The following SPTBN1 variants were observed in gnomAD, a reference collection of about 807,000 sequenced individuals.
SPTBN1 encodes the protein spectrin beta, non-erythrocytic 1, also known as spectrin beta chain, non-erythrocytic 1.
In SPTBN1, 32 loss-of-function variants were observed where a neutral mutation model predicts 266.4. That is an observed-to-expected ratio of 0.12 (90% confidence interval 0.09 to 0.16). The LOEUF is 0.16. Ranked by LOEUF, SPTBN1 falls within the 10% of genes least tolerant of loss-of-function variation. The probability of loss-of-function intolerance (pLI) is 1.00; values close to 1 mark genes in which losing one functional copy is unlikely to be tolerated. For missense variants in SPTBN1, 2,296 were observed against 3,067.1 expected, an observed-to-expected ratio of 0.75 and a Z score of 5.94; for synonymous variants, 1,336 against 1,162.2, an observed-to-expected ratio of 1.15 and a Z score of -3.04.
At chr2:54,510,099 C>T (rs1041343209) in intron 1 of SPTBN1, among the ~76,000 whole-genome samples, 3 of 151,942 alleles carry the variant, frequency 2.0e-5, no homozygotes, top group Non-Finnish European at 4.4e-5. Flanking sequence ...GCTGGGATTA[C>T]AGGCACCCAC....
rs1174244074 is a variant in SPTBN1, at chr2:54,645,307, G to T, written c.4348G>T (p.Gly1450Trp). 6.2e-7 allele frequency: 1 copy of T among 1,614,232 alleles called. No homozygotes were observed. Among genetic ancestry groups the T allele is most frequent in the South Asian group, 1.1e-5 (1 of 91,080 alleles). Residue 1450 changes from glycine (G) to tryptophan (W), a missense_variant, in exon 21 of 36, where the codon GGG becomes TGG. Coordinates refer to ENST00000356805, the MANE Select transcript of SPTBN1 (RefSeq NM_003128.3). This position sits in a 1 kb window ranked among gnomAD's most constrained non-coding sequence, Gnocchi z 4.3. ...QSQAQALSQE[G>W]KSTDEVDSKR... ...CCAAGCCCAGGCCCTGAGTCAGGAA[G>T]GGAAGAGCACCGACGAGGTAGACAG...
At chr2:54,582,457 T>A (rs1035544427) in intron 2 of SPTBN1, among the ~76,000 whole-genome samples, 8 of 150,496 alleles carry the variant, frequency 5.3e-5, no homozygotes, top group African/African-American at 2.0e-4. Context: ...CCAGCTACTC[T>A]GGAGGCTGAG....
intron 2 of SPTBN1, among the ~76,000 whole-genome samples, chr2:54,562,005 C>T (rs1338332950): frequency 6.6e-6 from 1 of 152,074 alleles, no homozygotes; most frequent in East Asian, 1.9e-4. Context: ...ACACCCAACA[C>T]ACACACACCC....
At position 54,656,010 on chromosome 2, in the gene SPTBN1, G is replaced by GT; in HGVS notation, c.6046+15dup. The GT allele has an allele frequency of 6.2e-7, 1 of 1,605,286 alleles. No homozygotes were observed. Reference sequence around the variant, plus strand: ...ATGGTTAAGACTGAGTAAGGATGTAGTTTATCTTTCTGCTCTTTTGGGTAT... The same window carrying GT: ...ATGGTTAAGACTGAGTAAGGATGTAGTTTTATCTTTCTGCTCTTTTGGGTAT... On this transcript the variant is annotated intron_variant, in intron 29 of 35. Transcript: ENST00000356805.
chr2:54,622,464 C>A lies in SPTBN1; in HGVS notation c.1041C>A (p.Tyr347Ter). ...AGCAGCTTCAGGCATTCAACACTTA[C>A]CGCACTGTGGAGAAACCACCCAAGT... ...VQQQLQAFNTYRTVEKPPKFT... is the reference protein window; with the variant it reads ...VQQQLQAFNT The change falls in exon 9 of 36, where the codon TAC (tyrosine) becomes TAA (stop). Residue 347 changes from tyrosine to a stop codon, truncating the protein, a stop_gained. Coordinates refer to ENST00000356805, the MANE Select transcript of SPTBN1 (RefSeq NM_003128.3). LOFTEE classifies it high-confidence loss of function. 6.2e-7 allele frequency: 1 copy of A among 1,614,148 alleles called. No individual in the cohort carries two copies. The highest frequency in any genetic ancestry group is 8.5e-7 in the Non-Finnish European group (1 of 1,180,014).
chr2:54,612,565 T>C (rs1402019510), intron 4 of SPTBN1, among the ~76,000 whole-genome samples: 1 of 152,194 alleles, frequency 6.6e-6, no homozygotes, highest in Admixed American at 6.5e-5. Context: ...TTAGCTTTCC[T>C]GTCAGACACA....
In SPTBN1 at chr2:54,644,517, G is replaced by A. The variant is rs879103013; in HGVS notation, c.4200G>A (p.Glu1400=). The A allele has an allele frequency of 1.2e-6, 2 of 1,614,218 alleles. No individual in the cohort carries two copies. The highest frequency in any genetic ancestry group is 1.7e-6 in the Non-Finnish European group (2 of 1,180,030). The change falls in exon 20 of 36, where the codon GAG becomes GAA. Residue 1400 remains glutamate, a synonymous_variant. Coordinates refer to ENST00000356805, the MANE Select transcript of SPTBN1 (RefSeq NM_003128.3). ...TAGACAAATGGCTGCACGGCCTGGA[G>A]AGTCAGATTCAGTCTGATGACTATG... ...ADLDKWLHGL[E]SQIQSDDYGK...
At chr2:54,543,885 C>G (rs889500545) in intron 2 of SPTBN1, among the ~76,000 whole-genome samples, 1 of 151,966 alleles carries the variant, frequency 6.6e-6, no homozygotes, top group Non-Finnish European at 1.5e-5. Flanking sequence ...TAGAACAATC[C>G]AAGTCAGACA....
In SPTBN1 at chr2:54,558,503, C is replaced by T. The variant is rs192741392; in HGVS notation, c.148+31937C>T. 3.2e-5 allele frequency: 38 copies of T among 1,194,020 alleles called. No individual in the cohort carries two copies. In the African/African-American group the frequency reaches 3.6e-4, roughly 11 times the overall value. The allele number at this position is 1,194,020 out of a possible 1,614,324, so 74.0% of individuals were successfully genotyped here. On this transcript the variant is annotated intron_variant, in intron 2 of 35. Coordinates refer to ENST00000356805, the MANE Select transcript of SPTBN1 (RefSeq NM_003128.3). This position sits in a 1 kb window ranked among gnomAD's most constrained non-coding sequence, Gnocchi z 4.6. Reference sequence around the variant, plus strand: ...AACCTGCGCCTCCTCTCTGCTTCTCCCTCCTCCTCAGTAATTTATTTCGAG... The same window carrying T: ...AACCTGCGCCTCCTCTCTGCTTCTCTCTCCTCCTCAGTAATTTATTTCGAG...
At chr2:54,618,326 T>A in intron 7 of SPTBN1, 133 bp downstream of exon 7, 1 of 740,818 alleles carries the variant, frequency 1.3e-6, no homozygotes, top group Non-Finnish European at 2.2e-6. Context: ...GTTATGGGAA[T>A]TTTTTGAGGA....
chr2:54,645,464 C>A lies in SPTBN1; in HGVS notation c.4494+11C>A, dbSNP rs1350278255. On this transcript the variant is annotated intron_variant, in intron 21 of 35. Transcript: ENST00000356805. The surrounding 1 kb of genome is among the most constrained non-coding windows in gnomAD (Gnocchi z 4.3). ...GTGGAGGACGAGATCGTGAGTCGAC[C>A]CCTACTGCACACATGGCTTTTCCAC... 1 of 1,612,442 alleles carries A rather than the reference C, an allele frequency of 6.2e-7. No homozygotes were observed. The highest frequency in any genetic ancestry group is 8.5e-7 in the Non-Finnish European group (1 of 1,178,906).
intron 1 of SPTBN1, among the ~76,000 whole-genome samples, chr2:54,463,792 A>G (rs1303604246): frequency 6.6e-6 from 1 of 152,250 alleles, no homozygotes; most frequent in Non-Finnish European, 1.5e-5. Context: ...AATAATGCTA[A>G]GTTCCATCTG....
intron 1 of SPTBN1, among the ~76,000 whole-genome samples, chr2:54,486,771 A>C (rs937169811): frequency 3.3e-5 from 5 of 152,252 alleles, no homozygotes; most frequent in Non-Finnish European, 5.9e-5. Flanking sequence ...TTCTAACCAT[A>C]GAAGAAGCTG....
In SPTBN1 at chr2:54,479,848, C is replaced by G. The variant is rs1474300140; in HGVS notation, c.-48+23330C>G. Among the ~76,000 whole-genome samples the G allele has an allele frequency of 2.0e-5, 3 of 147,312 alleles. No individual in the cohort carries two copies. The Admixed American group carries it at 2.1e-4, about 10-fold the overall frequency. ...TTTCTATTATCTTTATATTATTTCT[C>G]CCAAGCAAATTTTGCTTTTTTTTTT... is the stretch of plus-strand genomic sequence containing the variant. On this transcript the variant is annotated intron_variant, in intron 1 of 35. Coordinates refer to ENST00000356805, the MANE Select transcript of SPTBN1 (RefSeq NM_003128.3).
At chr2:54,535,928 G>A (rs1256885343) in intron 2 of SPTBN1, among the ~76,000 whole-genome samples, 1 of 152,226 alleles carries the variant, frequency 6.6e-6, no homozygotes, top group African/African-American at 2.4e-5. Flanking sequence ...GCTGAGACAG[G>A]AGAATCACTT....
chr2:54,507,336 T>TAAAGTGTTGGGGTGGGG (rs1669627261), intron 1 of SPTBN1, among the ~76,000 whole-genome samples: 1 of 151,702 alleles, frequency 6.6e-6, no homozygotes, highest in African/African-American at 2.4e-5. Flanking sequence ...AAAATAGTGG[T>TAAAGTGTTGGGGTGGGG]AAAGTGTTGG....
chr2:54,518,548 G>A (rs755068496), intron 1 of SPTBN1, among the ~76,000 whole-genome samples: 5 of 151,616 alleles, frequency 3.3e-5, no homozygotes, highest in South Asian at 2.1e-4. Context: ...TCAGACACAC[G>A]ATTTGCAGTT....
chr2:54,498,845 C>T lies in SPTBN1; in HGVS notation c.-47-27527C>T, dbSNP rs1019397755. ...GGTGCTGGAGATACATGTGTTGGTG[C>T]ATAGAGACTTGATTCATCCTAATAA... On this transcript the variant is annotated intron_variant, in intron 1 of 35. Coordinates refer to ENST00000356805, the MANE Select transcript of SPTBN1 (RefSeq NM_003128.3). Among the ~76,000 whole-genome samples, 147 of 152,168 alleles carry T rather than the reference C, an allele frequency of 9.7e-4. 7 individuals carry two copies. The highest frequency in any genetic ancestry group is 7.4e-5 in the Non-Finnish European group (5 of 68,020).
At chr2:54,522,667 A>G (rs1467339705) in intron 1 of SPTBN1, among the ~76,000 whole-genome samples, 10 of 99,434 alleles carry the variant, frequency 1.0e-4, no homozygotes, top group African/African-American at 3.3e-4. Context: ...AAAGAGAGAG[A>G]GAGAGAGAGA....
Sources: allele counts gnomAD v4.1 joint callset (sites outside exome capture counted in the v4.1 genomes callset), GRCh38; gene constraint gnomAD v4.1.1; non-coding constraint Gnocchi (gnomAD v3.1); transcripts MANE v1.5; gene names NCBI Gene and HGNC (gene_info 2026-07-23, HGNC 2026-07-21).